LHFPL2: variants seen among roughly 807,000 people sequenced by gnomAD.
The protein encoded by LHFPL2 is LHFPL tetraspan subfamily member 2.
LHFPL2 carries 7 observed loss-of-function variants against 17.5 expected under a neutral mutation model. That is an observed-to-expected ratio of 0.40 (90% confidence interval 0.23 to 0.75). LHFPL2 has a LOEUF of 0.75. LHFPL2 is among the 30% of genes least tolerant of loss of function. The pLI is 0.37. For synonymous variants in LHFPL2, 134 were observed against 116.2 expected (o/e 1.15, Z -0.99); for missense variants, 241 against 294.8 (o/e 0.82, Z 1.34).
At chr5:78,522,670 G>A (rs188165783) in intron 3 of LHFPL2, among the ~76,000 whole-genome samples, 2 of 152,272 alleles carry the variant, frequency 1.3e-5, no homozygotes, top group African/African-American at 2.4e-5. Context: ...CAATGGGGGT[G>A]GAGAGGGAAG....
Position 78,627,009 on chromosome 5 carries a change from A to G in LHFPL2, c.-245+5255T>C, listed in dbSNP as rs550540017. On this transcript the variant is annotated intron_variant, in intron 2 of 4. Coordinates refer to ENST00000380345, the MANE Select transcript of LHFPL2 (RefSeq NM_005779.3). ...GGCAGGAGAACTGCTTGAACCCGGGAGGCAGAGGTTGCAGTGAGCCGAGAT... is the reference window on the plus strand; with the variant it reads ...GGCAGGAGAACTGCTTGAACCCGGGGGGCAGAGGTTGCAGTGAGCCGAGAT... Among the ~76,000 whole-genome samples the G allele has an allele frequency of 4.6e-4, 70 of 152,208 alleles. 1 individual carries two copies. Among genetic ancestry groups the G allele is most frequent in the African/African-American group, 1.6e-3 (68 of 41,528 alleles).
In LHFPL2 at chr5:78,488,766, C is replaced by A. The variant is rs1309098955; in HGVS notation, c.*131G>T. ...AGCTGGATGTGGCCTCTCATTGGTC[C>A]TGTTTAAGCCTCGGGCCGTGGAACG... On this transcript the variant is annotated 3_prime_UTR_variant, in exon 5 of 5. Coordinates refer to ENST00000380345, the MANE Select transcript of LHFPL2 (RefSeq NM_005779.3). 3 of 993,828 alleles carry A rather than the reference C, an allele frequency of 3.0e-6. No homozygotes were observed. Among genetic ancestry groups the A allele is most frequent in the Admixed American group, 4.1e-5 (2 of 49,130 alleles). The allele number at this position is 993,828 out of a possible 1,614,324, so 61.6% of individuals were successfully genotyped here. A position where few individuals can be genotyped will look rare whatever the true frequency, so the allele number is the denominator to read the frequency against.
intron 3 of LHFPL2, among the ~76,000 whole-genome samples, chr5:78,560,967 T>C (rs1335912992): frequency 1.3e-5 from 2 of 152,222 alleles, no homozygotes; most frequent in Admixed American, 6.5e-5. Context: ...TTAAAAAGCA[T>C]AAACTAATTT....
chr5:78,637,910 C>A (rs2112523222), intron 1 of LHFPL2, among the ~76,000 whole-genome samples: 1 of 152,290 alleles, frequency 6.6e-6, no homozygotes, highest in East Asian at 1.9e-4. Flanking sequence ...ACATCAGCCT[C>A]CCCACTCGGG....
Position 78,509,813 on chromosome 5 carries a change from T to C in LHFPL2, c.401A>G (p.Asn134Ser), listed in dbSNP as rs1431029752. 1.2e-6 allele frequency: 2 copies of C among 1,613,290 alleles called. No individual in the cohort carries two copies. Among genetic ancestry groups the C allele is most frequent in the Admixed American group, 1.7e-5 (1 of 59,996 alleles). Residue 134 changes from asparagine (N) to serine (S), a missense_variant, in exon 4 of 5, where the codon AAT (asparagine) becomes AGT (serine). Physicochemically the swap from Asn to Ser is conservative, Grantham distance 46 (BLOSUM62 1). Coordinates refer to ENST00000380345, the MANE Select transcript of LHFPL2 (RefSeq NM_005779.3). ...AATTCCTTGCAACAGCCCACAGACA[T>C]TGAAGATGCTTTTCTTCATGATGCT... ...VQSIMKKSIF[N>S]VCGLLQGIAG...
At chr5:78,497,936 T>G (rs572097520) in intron 4 of LHFPL2, among the ~76,000 whole-genome samples, 130 of 152,346 alleles carry the variant, frequency 8.5e-4, no homozygotes, top group Middle Eastern at 3.4e-3. Context: ...TGAAATTGTT[T>G]CCAGCTTGGC....
intron 2 of LHFPL2, among the ~76,000 whole-genome samples, chr5:78,594,211 G>A (rs759162080): frequency 1.3e-5 from 2 of 152,190 alleles, no homozygotes; most frequent in African/African-American, 2.4e-5. Context: ...CACTAGACAA[G>A]AAGAGAGGCT....
At chr5:78,572,817 A>G (rs1757036536) in intron 2 of LHFPL2, among the ~76,000 whole-genome samples, 1 of 152,144 alleles carries the variant, frequency 6.6e-6, no homozygotes, top group African/African-American at 2.4e-5. Flanking sequence ...CCTGGAATAC[A>G]ATTTTTCTGT....
intron 4 of LHFPL2, among the ~76,000 whole-genome samples, chr5:78,502,309 A>T (rs913486399): frequency 6.6e-6 from 1 of 152,246 alleles, no homozygotes; most frequent in African/African-American, 2.4e-5. Context: ...ATCTAGAAGA[A>T]AGATGCAGTT....
chr5:78,617,092 A>G (rs1254637330), intron 2 of LHFPL2, among the ~76,000 whole-genome samples: 1 of 151,702 alleles, frequency 6.6e-6, no homozygotes, highest in Non-Finnish European at 1.5e-5. Context: ...GCAGTGGCTC[A>G]ATCTCCGCTC....
At chr5:78,575,237 A>G (rs1416824580) in intron 2 of LHFPL2, among the ~76,000 whole-genome samples, 2 of 152,186 alleles carry the variant, frequency 1.3e-5, no homozygotes, top group Non-Finnish European at 2.9e-5. Context: ...GCTGTAAATA[A>G]ACAAACACCT....
At chr5:78,583,762 T>G (rs1229166206) in intron 2 of LHFPL2, among the ~76,000 whole-genome samples, 1 of 150,400 alleles carries the variant, frequency 6.6e-6, no homozygotes, top group Non-Finnish European at 1.5e-5. Context: ...TTATGTGTCT[T>G]GGAGTTGCTC....
At chr5:78,581,390 C>T (rs554826428) in intron 2 of LHFPL2, among the ~76,000 whole-genome samples, 153 of 151,798 alleles carry the variant, frequency 1.0e-3, no homozygotes, top group African/African-American at 3.5e-3. Context: ...GGGAATGCTT[C>T]CAGTTCTTAC....
Position 78,497,558 on chromosome 5 carries a change from T to C in LHFPL2, c.431-8405A>G, listed in dbSNP as rs956637550. ...CAACTGCCTAGAACAAGGTCTGACA[T>C]GTAACAGGTGCTTAGTAAATATTCA... On this transcript the variant is annotated intron_variant, in intron 4 of 4. Transcript: ENST00000380345. Among the ~76,000 whole-genome samples the C allele has an allele frequency of 3.3e-5, 5 of 152,356 alleles. No homozygotes were observed. The East Asian group carries it at 7.7e-4, about 23-fold the overall frequency.
intron 1 of LHFPL2, among the ~76,000 whole-genome samples, chr5:78,643,167 C>G (rs1349096888): frequency 1.3e-5 from 2 of 152,220 alleles, no homozygotes. Flanking sequence ...TCTAGTCCAA[C>G]AACTACTGTC....
rs1217635359 is a variant in LHFPL2, at chr5:78,487,675, TTTGA to T, written c.*1218_*1221del. 1 of 152,172 alleles carries T rather than the reference TTTGA, an allele frequency of 6.6e-6. No homozygotes were observed. The highest frequency in any genetic ancestry group is 1.5e-5 in the Non-Finnish European group (1 of 68,002). The allele number at this position is 152,172 out of a possible 1,614,324, so 9.4% of individuals were successfully genotyped here. Reference sequence around the variant, plus strand: ...CCCTGAATCCTTATTCATAGTGGTATTTGATTCTTTTTGTAAACAGGTGTAGGCA... The same window carrying T: ...CCCTGAATCCTTATTCATAGTGGTATTTCTTTTTGTAAACAGGTGTAGGCA... On this transcript the variant is annotated 3_prime_UTR_variant, in exon 5 of 5. Transcript: ENST00000380345.
chr5:78,486,578 C>CTATT lies in LHFPL2; in HGVS notation c.*2315_*2318dup, dbSNP rs1754250034. 6.6e-6 allele frequency: 1 copy of CTATT among 152,224 alleles called. No homozygotes were observed. 9.4% of individuals were successfully genotyped at this position (152,224 alleles called of 1,614,324 possible). ...TAAAAGTCCCAACATTACCTTTTTA[C>CTATT]TATTTACTAAGTCAGTGTTTAGGTA... On this transcript the variant is annotated 3_prime_UTR_variant, in exon 5 of 5. Transcript: ENST00000380345.
Position 78,498,052 on chromosome 5 carries a change from G to T in LHFPL2, c.431-8899C>A, listed in dbSNP as rs567996951. Among the ~76,000 whole-genome samples, 44 of 152,304 alleles carry T rather than the reference G, an allele frequency of 2.9e-4. 1 individual carries two copies. The South Asian group carries it at 9.1e-3, about 32-fold the overall frequency. On this transcript the variant is annotated intron_variant, in intron 4 of 4. Transcript: ENST00000380345. ...AGCACGCGGGAGAAGGACGGGAAAG[G>T]ACAGGTGAGAGAAGACAAAGGATAC...
chr5:78,565,215 A>T (rs1756828577), intron 2 of LHFPL2, among the ~76,000 whole-genome samples: 1 of 152,264 alleles, frequency 6.6e-6, no homozygotes. Context: ...TGACCATAAA[A>T]AGGCTCAAAA....
Sources: allele counts gnomAD v4.1 joint callset (sites outside exome capture counted in the v4.1 genomes callset), GRCh38; gene constraint gnomAD v4.1.1; transcripts MANE v1.5; gene names NCBI Gene and HGNC (gene_info 2026-07-23, HGNC 2026-07-21).